AFG1L: variants seen among roughly 807,000 people sequenced by gnomAD.
AFG1L encodes AFG1-like ATPase.
Under a neutral mutation model 62.2 loss-of-function variants are expected in AFG1L, and 53 were observed. The observed-to-expected ratio is 0.85, with a 90% CI of 0.68 to 1.07. The LOEUF is 1.07. Ranked by LOEUF, AFG1L falls within the 50% of genes least tolerant of loss-of-function variation. The pLI is 0.00. For synonymous variants in AFG1L, 228 were observed against 210.3 expected, an observed-to-expected ratio of 1.08 and a Z score of -0.73; for missense variants, 555 against 590.5, an observed-to-expected ratio of 0.94 and a Z score of 0.62.
At position 108,516,169 on chromosome 6, in the gene AFG1L, G is replaced by C. The variant is rs1159585811; in HGVS notation, c.1204-3528G>C. 5.3e-5 allele frequency among the ~76,000 whole-genome samples: 8 copies of C among 152,288 alleles called. 1 individual carries two copies. Among genetic ancestry groups the C allele is most frequent in the Admixed American group, 2.0e-4 (3 of 15,304 alleles). ...CATTTTATGAGGCCAGCATCATCCT[G>C]ATACCAAAGACTGGCAGAGACACAA... On this transcript the variant is annotated intron_variant, in intron 11 of 12. Coordinates refer to ENST00000368977, the MANE Select transcript of AFG1L (RefSeq NM_145315.5).
At chr6:108,433,752 C>G in intron 7 of AFG1L, among the ~76,000 whole-genome samples, 1 of 151,786 alleles carries the variant, frequency 6.6e-6, no homozygotes, top group East Asian at 1.9e-4. Flanking sequence ...GGCACCATGT[C>G]TGGCTAATTT....
intron 1 of AFG1L, among the ~76,000 whole-genome samples, chr6:108,306,184 G>A (rs1448342480): frequency 6.6e-6 from 1 of 152,204 alleles, no homozygotes; most frequent in Non-Finnish European, 1.5e-5. Flanking sequence ...GATTACAGAT[G>A]TGAGCCACTG....
At chr6:108,512,434 G>C (rs1774691546) in intron 11 of AFG1L, among the ~76,000 whole-genome samples, 1 of 152,166 alleles carries the variant, frequency 6.6e-6, no homozygotes, top group Admixed American at 6.5e-5. Context: ...GGGGGATGGA[G>C]GCCCATCAGC....
intron 8 of AFG1L, among the ~76,000 whole-genome samples, chr6:108,466,100 G>A (rs997749872): frequency 2.0e-5 from 3 of 152,146 alleles, no homozygotes; most frequent in Non-Finnish European, 4.4e-5. Flanking sequence ...TTATATTGAA[G>A]TCATTTATAA....
intron 6 of AFG1L, among the ~76,000 whole-genome samples, chr6:108,387,139 T>C (rs1034043721): frequency 6.6e-6 from 1 of 152,178 alleles, no homozygotes; most frequent in African/African-American, 2.4e-5. Context: ...CAAAAAGATA[T>C]AGCATCCAAA....
chr6:108,430,055 C>T (rs1771002393), intron 7 of AFG1L, among the ~76,000 whole-genome samples: 1 of 152,048 alleles, frequency 6.6e-6, no homozygotes, highest in African/African-American at 2.4e-5. Context: ...TCAAGCAGTT[C>T]TCCTGCCTCA....
chr6:108,471,661 A>G (rs558369378), intron 8 of AFG1L, among the ~76,000 whole-genome samples: 3 of 151,912 alleles, frequency 2.0e-5, no homozygotes, highest in South Asian at 2.1e-4. Flanking sequence ...GGGTTTCACT[A>G]TGTTGGCCAG....
chr6:108,513,187 C>T (rs1401903423), intron 11 of AFG1L, among the ~76,000 whole-genome samples: 3 of 152,188 alleles, frequency 2.0e-5, no homozygotes, highest in Admixed American at 1.3e-4. Flanking sequence ...CCAGCATGAG[C>T]GACGCAGAAG....
At chr6:108,390,366 C>G (rs971010790) in intron 6 of AFG1L, among the ~76,000 whole-genome samples, 1 of 152,218 alleles carries the variant, frequency 6.6e-6, no homozygotes, top group Non-Finnish European at 1.5e-5. Flanking sequence ...CTTCTCTCAA[C>G]TTGTCAAAGT....
intron 4 of AFG1L, 43 bp downstream of exon 4, chr6:108,355,798 C>A: frequency 7.5e-7 from 1 of 1,338,098 alleles, no homozygotes; most frequent in Non-Finnish European, 1.1e-6. Context: ...AGTGGGGAAA[C>A]GCTACAAAAT....
chr6:108,490,023 A>G (rs777787402), intron 10 of AFG1L, among the ~76,000 whole-genome samples: 27 of 152,244 alleles, frequency 1.8e-4, no homozygotes, highest in African/African-American at 3.9e-4. Flanking sequence ...AGGAGAAACT[A>G]TACACGTTCC....
At chr6:108,347,864 A>G (rs1374932614) in intron 3 of AFG1L, among the ~76,000 whole-genome samples, 2 of 151,636 alleles carry the variant, frequency 1.3e-5, no homozygotes, top group Non-Finnish European at 2.9e-5. Flanking sequence ...TTTACTGTCA[A>G]TCAATTATTT....
At chr6:108,424,586 T>G (rs1304063545) in intron 7 of AFG1L, among the ~76,000 whole-genome samples, 1 of 151,966 alleles carries the variant, frequency 6.6e-6, no homozygotes. Context: ...AGACAAAAAA[T>G]GATTATTATA....
At chr6:108,351,580 A>G (rs1779081273) in intron 3 of AFG1L, among the ~76,000 whole-genome samples, 3 of 152,224 alleles carry the variant, frequency 2.0e-5, no homozygotes. Context: ...TCCTTGCACC[A>G]GCTAGGACCC....
intron 2 of AFG1L, among the ~76,000 whole-genome samples, chr6:108,341,134 A>T (rs1263632112): frequency 6.6e-6 from 1 of 152,112 alleles, no homozygotes; most frequent in African/African-American, 2.4e-5. Context: ...TATATATTTT[A>T]GTATGAGATT....
intron 10 of AFG1L, among the ~76,000 whole-genome samples, chr6:108,481,968 T>C (rs1355104533): frequency 6.6e-6 from 1 of 152,222 alleles, no homozygotes; most frequent in Non-Finnish European, 1.5e-5. Context: ...GGAAAACAAC[T>C]GACAATATTT....
intron 7 of AFG1L, among the ~76,000 whole-genome samples, chr6:108,442,698 T>C (rs796933477): frequency 2.0e-5 from 3 of 152,290 alleles, no homozygotes; most frequent in African/African-American, 7.2e-5. Context: ...TGATATATAA[T>C]CAAAATGCTA....
rs847595 is a variant in AFG1L, at chr6:108,323,895, C to T, written c.210C>T (p.Ala70=). ...ATSETYLKAL[A]VCHGPLDHYD... The stretch of plus-strand genomic sequence containing the variant: ...CAGAGACTTATTTGAAAGCTTTGGC[C>T]GTTTGCCATGGACCTCTGGACCACT... Residue 70 remains alanine (A), a synonymous_variant, in exon 2 of 13, where the codon GCC becomes GCT. Transcript: ENST00000368977. 3,889 of 1,614,086 alleles carry T rather than the reference C, an allele frequency of 2.4e-3. 31 individuals are homozygous for T. The African/African-American group carries it at 0.03, about 12-fold the overall frequency.
intron 5 of AFG1L, 96 bp downstream of exon 5, chr6:108,356,916 G>GTCAAATCACCTTATAA: frequency 4.7e-6 from 5 of 1,059,486 alleles, no homozygotes; most frequent in African/African-American, 1.6e-5. Context: ...TTTATAAGGT[G>GTCAAATCACCTTATAA]ATTTGACACA....
Sources: gnomAD v4.1 joint callset for allele counts (sites outside exome capture counted in the v4.1 genomes callset) on GRCh38, gnomAD v4.1.1 for gene constraint, MANE v1.5 for transcripts, NCBI Gene and HGNC (gene_info 2026-07-23, HGNC 2026-07-21) for gene names.